CDH2: variants seen among roughly 807,000 people sequenced by gnomAD.
CDH2 encodes cadherin 2.
Under a neutral mutation model 92.0 loss-of-function variants are expected in CDH2, and 17 were observed. The observed-to-expected ratio is 0.18, with a 90% CI of 0.13 to 0.28. The LOEUF (loss-of-function observed/expected upper bound fraction) is 0.28, where lower values mean the gene tolerates loss of function less well. CDH2 is among the 10% of genes least tolerant of loss of function. The probability of loss-of-function intolerance (pLI) is 1.00; values close to 1 mark genes in which losing one functional copy is unlikely to be tolerated. For synonymous variants in CDH2, 419 were observed against 415.9 expected (o/e 1.01, Z -0.09); for missense variants, 862 against 1,133.1 (o/e 0.76, Z 3.44).
chr18:28,116,159 C>T (rs1359868474), intron 2 of CDH2, among the ~76,000 whole-genome samples: 1 of 152,058 alleles, frequency 6.6e-6, no homozygotes, highest in Non-Finnish European at 1.5e-5. Flanking sequence ...TTATCTGGTT[C>T]AAAATGCCAA....
chr18:28,086,019 T>C (rs1237183218), intron 2 of CDH2, among the ~76,000 whole-genome samples: 23 of 152,132 alleles, frequency 1.5e-4, no homozygotes, highest in Admixed American at 1.4e-3. Flanking sequence ...AAACTTGTTT[T>C]TAAAAGGAAT....
chr18:28,140,714 A>G (rs2015938167), intron 2 of CDH2, among the ~76,000 whole-genome samples: 1 of 151,708 alleles, frequency 6.6e-6, no homozygotes, highest in South Asian at 2.1e-4. Context: ...ATTTTGTTAT[A>G]GTAGTTCAAA....
At chr18:28,017,440 T>C (rs17493737) in intron 2 of CDH2, among the ~76,000 whole-genome samples, 1 of 152,298 alleles carries the variant, frequency 6.6e-6, no homozygotes, top group African/African-American at 2.4e-5. Flanking sequence ...TTTGTACTTC[T>C]GTGGTATTGG....
At chr18:28,007,165 A>AAT (rs1555632742) in intron 5 of CDH2, among the ~76,000 whole-genome samples, 10,185 of 110,168 alleles carry the variant, frequency 0.092, 568 homozygotes, top group Non-Finnish European at 0.11. Context: ...ATAAAAAAAA[A>AAT]ATATATATAT....
chr18:27,967,495 T>G (rs1456720797), intron 14 of CDH2, among the ~76,000 whole-genome samples: 2 of 152,146 alleles, frequency 1.3e-5, no homozygotes, highest in Non-Finnish European at 2.9e-5. Flanking sequence ...TCCTGAAGAT[T>G]ATAAACAATC....
intron 2 of CDH2, among the ~76,000 whole-genome samples, chr18:28,065,569 G>A (rs1356395080): frequency 6.6e-6 from 1 of 152,156 alleles, no homozygotes; most frequent in East Asian, 1.9e-4. Flanking sequence ...CAAGTGCCAG[G>A]AATGCTACAC....
intron 1 of CDH2, among the ~76,000 whole-genome samples, chr18:28,148,818 T>C (rs2016077650): frequency 6.6e-6 from 1 of 152,222 alleles, no homozygotes; most frequent in Admixed American, 6.5e-5. Flanking sequence ...AGCTTCATAA[T>C]TAAATGACTA....
At chr18:28,088,306 C>T (rs1345699687) in intron 2 of CDH2, among the ~76,000 whole-genome samples, 1 of 152,174 alleles carries the variant, frequency 6.6e-6, no homozygotes, top group East Asian at 1.9e-4. Context: ...TCACTGTAGA[C>T]ATAGTCTTTG....
intron 1 of CDH2, among the ~76,000 whole-genome samples, chr18:28,170,875 A>G (rs1229653184): frequency 1.3e-5 from 2 of 151,814 alleles, no homozygotes; most frequent in Non-Finnish European, 2.9e-5. Flanking sequence ...ATATCTTCGT[A>G]TATGTATCTA....
chr18:27,961,392 G>A (rs2011399966), intron 15 of CDH2, among the ~76,000 whole-genome samples: 1 of 152,018 alleles, frequency 6.6e-6, no homozygotes, highest in South Asian at 2.1e-4. Context: ...GCTATGACCC[G>A]AGGGGCAACT....
intron 2 of CDH2, among the ~76,000 whole-genome samples, chr18:28,077,748 G>C (rs972587202): frequency 6.6e-6 from 1 of 151,716 alleles, no homozygotes; most frequent in African/African-American, 2.4e-5. Context: ...AAAATTAGGC[G>C]GGTGTGGCAG....
intron 2 of CDH2, among the ~76,000 whole-genome samples, chr18:28,113,117 T>C (rs1004836407): frequency 6.6e-6 from 1 of 152,130 alleles, no homozygotes; most frequent in Non-Finnish European, 1.5e-5. Flanking sequence ...GTGCAAAGCA[T>C]CTATATAGGA....
At chr18:28,078,378 A>C (rs752553256) in intron 2 of CDH2, among the ~76,000 whole-genome samples, 1 of 152,162 alleles carries the variant, frequency 6.6e-6, no homozygotes, top group Admixed American at 6.5e-5. Context: ...GTCTTGATAA[A>C]AATAATAGGG....
intron 2 of CDH2, among the ~76,000 whole-genome samples, chr18:28,119,114 G>A (rs1212685395): frequency 6.6e-6 from 1 of 152,020 alleles, no homozygotes; most frequent in Non-Finnish European, 1.5e-5. Context: ...GTCCAAAGTG[G>A]GTTATGTTCA....
chr18:27,940,000 C>T (rs936623830), intron 6 of CDH2, among the ~76,000 whole-genome samples: 1 of 152,160 alleles, frequency 6.6e-6, no homozygotes, highest in African/African-American at 2.4e-5. Context: ...TTGGGACCAC[C>T]CTGAAGGACC....
intron 2 of CDH2, among the ~76,000 whole-genome samples, chr18:28,098,168 G>C (rs2015167601): frequency 6.6e-6 from 1 of 152,120 alleles, no homozygotes; most frequent in Admixed American, 6.6e-5. Flanking sequence ...TATACTAATA[G>C]CACATCTGTA....
chr18:27,962,812 T>C (rs2011442826), intron 15 of CDH2, among the ~76,000 whole-genome samples: 3 of 152,194 alleles, frequency 2.0e-5, no homozygotes, highest in Admixed American at 6.5e-5. Context: ...AACAGAGAAA[T>C]AGCTTCCTTT....
intron 2 of CDH2, among the ~76,000 whole-genome samples, chr18:28,028,654 T>A (rs573290861): frequency 6.6e-6 from 1 of 152,232 alleles, no homozygotes; most frequent in East Asian, 1.9e-4. Context: ...ATTCCCAATA[T>A]TTACTGCAAA....
chr18:28,051,736 A>G (rs2014195243), intron 2 of CDH2, among the ~76,000 whole-genome samples: 1 of 152,128 alleles, frequency 6.6e-6, no homozygotes, highest in South Asian at 2.1e-4. Context: ...AATGCCTCTA[A>G]ATCTATAGGG....
Sources: allele counts gnomAD v4.1 joint callset (sites outside exome capture counted in the v4.1 genomes callset), GRCh38; gene constraint gnomAD v4.1.1; transcripts MANE v1.5; gene names NCBI Gene and HGNC (gene_info 2026-07-23, HGNC 2026-07-21).